STPG2: variants seen among roughly 807,000 people sequenced by gnomAD.
The protein encoded by STPG2 is sperm-tail PG-rich repeat-containing protein 2.
STPG2 carries 56 observed loss-of-function variants against 54.2 expected under a neutral mutation model. The ratio of observed to expected loss-of-function variants is 1.03; its 90% CI spans 0.83 to 1.29. The LOEUF (loss-of-function observed/expected upper bound fraction) is 1.29. Ranked by LOEUF, STPG2 falls within the 50% of genes most tolerant of loss-of-function variation. STPG2 has a pLI of 0.00. For synonymous variants in STPG2, 200 were observed against 181.8 expected (o/e 1.10, Z -0.81); for missense variants, 596 against 544.9 (o/e 1.09, Z -0.93).
chr4:97,859,830 T>A (rs1252372296), intron 8 of STPG2, among the ~76,000 whole-genome samples: 1 of 152,250 alleles, frequency 6.6e-6, no homozygotes. Flanking sequence ...TTCTTTGATG[T>A]TATCTTCTAG....
At chr4:97,732,915 A>G (rs1277808431) in intron 9 of STPG2, among the ~76,000 whole-genome samples, 1 of 152,192 alleles carries the variant, frequency 6.6e-6, no homozygotes, top group Non-Finnish European at 1.5e-5. Flanking sequence ...AATGGTCATT[A>G]TTAAAAAGTA....
intron 8 of STPG2, among the ~76,000 whole-genome samples, chr4:97,942,655 G>C (rs1056046511): frequency 6.6e-6 from 1 of 152,014 alleles, no homozygotes; most frequent in Non-Finnish European, 1.5e-5. Flanking sequence ...AAGACATTCA[G>C]AGTTATATTA....
At chr4:97,737,924 T>A (rs895265002) in intron 9 of STPG2, among the ~76,000 whole-genome samples, 7 of 151,890 alleles carry the variant, frequency 4.6e-5, no homozygotes, top group Non-Finnish European at 1.0e-4. Context: ...TTCACCAAAG[T>A]TGAAATGAAG....
At chr4:97,894,269 C>T (rs570079435) in intron 8 of STPG2, among the ~76,000 whole-genome samples, 2 of 151,868 alleles carry the variant, frequency 1.3e-5, no homozygotes, top group Admixed American at 6.6e-5. Context: ...TTATACATCA[C>T]CTTATATCAA....
chr4:97,898,886 T>C (rs564588262), intron 8 of STPG2, among the ~76,000 whole-genome samples: 1 of 151,634 alleles, frequency 6.6e-6, no homozygotes, highest in South Asian at 2.1e-4. Context: ...ATAATGAAAA[T>C]GAAAGGAAAT....
chr4:97,892,886 C>T (rs1730825619), intron 8 of STPG2, among the ~76,000 whole-genome samples: 1 of 152,126 alleles, frequency 6.6e-6, no homozygotes. Context: ...ACTTCTTTGC[C>T]TACTTCTACT....
chr4:97,593,420 C>A (rs1376301049), intron 10 of STPG2, among the ~76,000 whole-genome samples: 1 of 152,180 alleles, frequency 6.6e-6, no homozygotes, highest in African/African-American at 2.4e-5. Context: ...GTCAGCGCAT[C>A]CTGGGTCTCG....
chr4:97,669,338 G>C (rs1722628174), intron 10 of STPG2, among the ~76,000 whole-genome samples: 1 of 152,044 alleles, frequency 6.6e-6, no homozygotes, highest in South Asian at 2.1e-4. Flanking sequence ...TGAAGGAATT[G>C]ACTAATAATG....
chr4:97,726,813 TACACACAC>T, intron 9 of STPG2, among the ~76,000 whole-genome samples: 1 of 141,462 alleles, frequency 7.1e-6, no homozygotes, highest in South Asian at 2.1e-4. Flanking sequence ...AATACAAACA[TACACACAC>T]ACACACACAT....
At position 97,938,759 on chromosome 4, in the gene STPG2, T is replaced by A. The variant is rs73832111; in HGVS notation, c.1044+5138A>T. Among the ~76,000 whole-genome samples, 1,200 of 152,192 alleles carry A rather than the reference T, an allele frequency of 7.9e-3. 14 individuals carry two copies. The highest frequency in any genetic ancestry group is 0.027 in the African/African-American group (1,122 of 41,520). ...GTGGGCCGACACACCACCCTGCTTT[T>A]CATTGCTCTCCATTGGTCATGCGAA... is the stretch of plus-strand genomic sequence containing the variant. On this transcript the variant is annotated intron_variant, in intron 8 of 10. Transcript: ENST00000295268.
chr4:97,930,968 G>T (rs1256926095), intron 8 of STPG2, among the ~76,000 whole-genome samples: 2 of 152,072 alleles, frequency 1.3e-5, no homozygotes, highest in Non-Finnish European at 2.9e-5. Flanking sequence ...GTTCATTTGT[G>T]ATTTGGCTCT....
intron 7 of STPG2, among the ~76,000 whole-genome samples, chr4:97,947,668 T>C (rs1033348556): frequency 2.3e-4 from 35 of 152,128 alleles, no homozygotes; most frequent in Non-Finnish European, 2.9e-5. Context: ...GATAACCATA[T>C]GGTTTTTGTT....
chr4:97,969,022 G>T (rs1560615119), intron 7 of STPG2, among the ~76,000 whole-genome samples: 1 of 152,228 alleles, frequency 6.6e-6, no homozygotes, highest in Admixed American at 6.5e-5. Flanking sequence ...ATAAACAGAC[G>T]CATGAAGGGC....
intron 9 of STPG2, among the ~76,000 whole-genome samples, chr4:97,756,483 G>A (rs1017727450): frequency 2.0e-5 from 3 of 151,860 alleles, no homozygotes; most frequent in Admixed American, 6.6e-5. Flanking sequence ...CACCATGCCC[G>A]GCTAATTTTT....
At chr4:97,776,345 A>G (rs1205137961) in intron 9 of STPG2, among the ~76,000 whole-genome samples, 3 of 152,194 alleles carry the variant, frequency 2.0e-5, no homozygotes, top group African/African-American at 7.2e-5. Context: ...CACACAACCA[A>G]TAAGTAACAA....
At chr4:97,847,953 T>C (rs1464581618) in intron 8 of STPG2, among the ~76,000 whole-genome samples, 1 of 152,212 alleles carries the variant, frequency 6.6e-6, no homozygotes, top group East Asian at 1.9e-4. Context: ...AAAATACTTA[T>C]TACGTGGCAG....
chr4:97,948,435 T>G (rs1733332492), intron 7 of STPG2, among the ~76,000 whole-genome samples: 1 of 152,122 alleles, frequency 6.6e-6, no homozygotes. Flanking sequence ...TACTCTAATC[T>G]TTGTTACTTC....
chr4:97,804,417 T>TAAA (rs1553914980), intron 9 of STPG2, among the ~76,000 whole-genome samples: 1 of 152,080 alleles, frequency 6.6e-6, no homozygotes, highest in Non-Finnish European at 1.5e-5. Flanking sequence ...TCTTAGTTTT[T>TAAA]AACAACAACA....
At chr4:97,932,157 C>T (rs1216514264) in intron 8 of STPG2, among the ~76,000 whole-genome samples, 1 of 151,900 alleles carries the variant, frequency 6.6e-6, no homozygotes, top group Non-Finnish European at 1.5e-5. Context: ...TAGCTAGTGG[C>T]CTATGTATTT....
Sources: allele counts gnomAD v4.1 joint callset (sites outside exome capture counted in the v4.1 genomes callset), GRCh38; gene constraint gnomAD v4.1.1; transcripts MANE v1.5; gene names NCBI Gene and HGNC (gene_info 2026-07-23, HGNC 2026-07-21).